The following STT3A variants were observed in gnomAD, a reference collection of about 807,000 sequenced individuals.
STT3A encodes the protein dolichyl-diphosphooligosaccharide--protein glycosyltransferase subunit STT3A.
A neutral mutation model predicts 89.2 loss-of-function variants in STT3A; 34 were observed. The ratio of observed to expected loss-of-function variants is 0.38; its 90% confidence interval spans 0.29 to 0.51. The LOEUF is 0.51. Among genes scored for constraint, STT3A ranks in the 20% least tolerant of loss-of-function variants. STT3A has a pLI of 0.89. For missense variants in STT3A, 555 were observed against 889.5 expected, an observed-to-expected ratio of 0.62 and a Z score of 4.78; for synonymous variants, 282 against 310.3, an observed-to-expected ratio of 0.91 and a Z score of 0.96.
chr11:125,604,278 T>C, intron 6 of STT3A, 31 bp downstream of exon 6: 2 of 1,604,892 alleles, frequency 1.2e-6, no homozygotes, highest in Non-Finnish European at 8.5e-7. Flanking sequence ...AAGAAGATCA[T>C]CTCACCTCAT....
At chr11:125,600,462 G>C (rs913226514) in intron 3 of STT3A, among the ~76,000 whole-genome samples, 1 of 152,058 alleles carries the variant, frequency 6.6e-6, no homozygotes, top group Admixed American at 6.6e-5. Context: ...CCTGGGCTCA[G>C]GTGATCCTCT....
intron 3 of STT3A, among the ~76,000 whole-genome samples, 175 bp from the exon 4 acceptor site, chr11:125,602,128 T>C (rs1939702185): frequency 6.6e-6 from 1 of 152,196 alleles, no homozygotes; most frequent in Non-Finnish European, 1.5e-5. Flanking sequence ...GTGCTTTAGT[T>C]GAGACAAGCA....
At chr11:125,607,662 G>A (rs893955488) in intron 8 of STT3A, among the ~76,000 whole-genome samples, 3 of 152,128 alleles carry the variant, frequency 2.0e-5, no homozygotes, top group South Asian at 2.1e-4. Context: ...TGGTGACTAC[G>A]ATGCCCACTA....
chr11:125,595,462 C>G (rs774110076), intron 1 of STT3A, among the ~76,000 whole-genome samples: 29 of 151,834 alleles, frequency 1.9e-4, no homozygotes, highest in Non-Finnish European at 3.4e-4. Context: ...TTTCCTGCTT[C>G]CCCCCCTCCG....
At chr11:125,604,351 T>A in intron 6 of STT3A, 104 bp downstream of exon 6, 1 of 1,134,786 alleles carries the variant, frequency 8.8e-7, no homozygotes, top group Non-Finnish European at 1.3e-6. Context: ...GGTAACTGGG[T>A]GAGAATATTA....
intron 3 of STT3A, among the ~76,000 whole-genome samples, chr11:125,598,499 T>A (rs1190524964): frequency 5.3e-5 from 8 of 152,254 alleles, no homozygotes; most frequent in African/African-American, 1.9e-4. Flanking sequence ...TAATTTTGTT[T>A]TGTGTAGATA....
upstream of STT3A, chr11:125,592,271 A>C: frequency 2.6e-6 from 1 of 384,418 alleles, no homozygotes; most frequent in Non-Finnish European, 5.2e-6. Context: ...TTACCAAGGC[A>C]CAGTAAAAGC....
chr11:125,593,781 A>G (rs1231346639), intron 1 of STT3A: 2 of 152,216 alleles, frequency 1.3e-5, no homozygotes, highest in Admixed American at 1.3e-4. Flanking sequence ...CTCTTCTGGG[A>G]CAGTTAATTA....
intron 6 of STT3A, 28 bp downstream of exon 6, chr11:125,604,275 T>A: frequency 6.2e-7 from 1 of 1,605,166 alleles, no homozygotes; most frequent in Non-Finnish European, 8.5e-7. Flanking sequence ...CTGAAGAAGA[T>A]CATCTCACCT....
At chr11:125,619,679 C>CTT (rs1403457692) in intron 16 of STT3A, among the ~76,000 whole-genome samples, 8 of 152,070 alleles carry the variant, frequency 5.3e-5, no homozygotes, top group Non-Finnish European at 1.0e-4. Context: ...TTCTGGTAGG[C>CTT]TTTTTTCTCT....
At chr11:125,603,154 AG>A (rs1391071637) in intron 5 of STT3A, among the ~76,000 whole-genome samples, 1 of 152,172 alleles carries the variant, frequency 6.6e-6, no homozygotes, top group Non-Finnish European at 1.5e-5. Flanking sequence ...TCCTTATGAG[AG>A]TACAGTTGAA....
intron 11 of STT3A, among the ~76,000 whole-genome samples, chr11:125,611,760 G>T (rs2135936602): frequency 6.7e-6 from 1 of 149,422 alleles, no homozygotes; most frequent in African/African-American, 2.5e-5. Context: ...TTTGCACTTT[G>T]TTGGATAATA....
chr11:125,618,928 C>T (rs1016229961), intron 16 of STT3A, among the ~76,000 whole-genome samples: 3 of 152,030 alleles, frequency 2.0e-5, no homozygotes, highest in Admixed American at 1.3e-4. Context: ...GAGATGAGGT[C>T]TCACTATGTT....
chr11:125,599,617 C>T (rs12273337), intron 3 of STT3A, among the ~76,000 whole-genome samples: 15,913 of 150,876 alleles, frequency 0.11, 1,155 homozygotes, highest in African/African-American at 0.22. Context: ...TTATGTTACA[C>T]AGGCTGGTCT....
At chr11:125,606,832 A>T (rs1488879820) in intron 8 of STT3A, among the ~76,000 whole-genome samples, 1 of 152,224 alleles carries the variant, frequency 6.6e-6, no homozygotes, top group Non-Finnish European at 1.5e-5. Flanking sequence ...TCTAATTGTA[A>T]GTGCTTCAGG....
At chr11:125,617,859 G>T (rs1379230131) in intron 15 of STT3A, among the ~76,000 whole-genome samples, 4 of 152,150 alleles carry the variant, frequency 2.6e-5, no homozygotes, top group African/African-American at 4.8e-5. Context: ...AAAGAAACAG[G>T]TGAAAGTAAT....
chr11:125,598,607 T>A (rs950499363), intron 3 of STT3A, among the ~76,000 whole-genome samples: 5 of 152,070 alleles, frequency 3.3e-5, no homozygotes, highest in African/African-American at 1.2e-4. Flanking sequence ...TGTCCTTTTG[T>A]TTTTTCTTTT....
intron 2 of STT3A, 36 bp downstream of exon 2, chr11:125,596,039 TAGAA>T (rs1346296277): frequency 6.7e-6 from 10 of 1,484,566 alleles, no homozygotes; most frequent in Middle Eastern, 3.5e-4. Flanking sequence ...TCTTTGGGGA[TAGAA>T]AGAAGAAAGT....
At position 125,620,888 on chromosome 11, in the gene STT3A, T is replaced by TG. The variant is rs1940329445; in HGVS notation, c.*78_*79insG. The TG allele has an allele frequency of 1.5e-6, 2 of 1,372,358 alleles. No individual in the cohort carries two copies. The highest frequency in any genetic ancestry group is 2.0e-6 in the Non-Finnish European group (2 of 1,002,536). The allele number at this position is 1,372,358 out of a possible 1,614,324, so 85.0% of individuals were successfully genotyped here. A position where few individuals can be genotyped will look rare whatever the true frequency, so the allele number is the denominator to read the frequency against. ...GTTGAAGATTTTTTTTTTTTTTTTT[T>TG]TTTAATATGCAGTTTGTAAGAACAA... On this transcript the variant is annotated 3_prime_UTR_variant, in exon 18 of 18. Transcript: ENST00000392708.
Sources: allele counts gnomAD v4.1 joint callset (sites outside exome capture counted in the v4.1 genomes callset), GRCh38; gene constraint gnomAD v4.1.1; transcripts MANE v1.5; gene names NCBI Gene and HGNC (gene_info 2026-07-23, HGNC 2026-07-21).